The following INVS variants were observed in gnomAD, a reference collection of about 807,000 sequenced individuals.
INVS encodes inversin.
INVS carries 86 observed loss-of-function variants against 108.8 expected under a neutral mutation model. The observed-to-expected ratio is 0.79, with a 90% CI of 0.66 to 0.95. The LOEUF is 0.95. Among genes scored for constraint, INVS ranks in the 40% least tolerant of loss-of-function variants. INVS has a pLI of 0.00. For missense variants in INVS, 1,169 were observed against 1,297.4 expected (o/e 0.90, Z 1.52); for synonymous variants, 455 against 473.5 (o/e 0.96, Z 0.51).
chr9:100,296,461 G>A (rs780684599), intron 14 of INVS, among the ~76,000 whole-genome samples: 5 of 152,176 alleles, frequency 3.3e-5, no homozygotes, highest in Non-Finnish European at 7.3e-5. Flanking sequence ...TGGCACAAAT[G>A]CCTCTATCTA....
intron 5 of INVS, 70 bp downstream of exon 5, chr9:100,229,897 C>A: frequency 7.0e-7 from 1 of 1,438,528 alleles, no homozygotes; most frequent in Non-Finnish European, 9.6e-7. Context: ...TTAATATATA[C>A]AAAAGTGTAT....
intron 3 of INVS, among the ~76,000 whole-genome samples, chr9:100,211,068 C>T (rs932831763): frequency 9.2e-5 from 14 of 152,018 alleles, no homozygotes; most frequent in African/African-American, 3.4e-4. Context: ...ACAAACTCTG[C>T]GGGAGGGCCT....
At position 100,252,414 on chromosome 9, in the gene INVS, GA is replaced by G; in HGVS notation, c.1211del (p.Asp404ValfsTer2). ...CCGAGCCTGTGAGATGGGACACAAA[GA>G]TGTGATTCAGACACTCATTAAAGGT... ...LFRACEMGHK[D>X]VIQTLIKGGA... is the part of the protein sequence containing the mutation. On this transcript the variant is annotated frameshift_variant, in exon 9 of 17. Coordinates refer to ENST00000262457, the MANE Select transcript of INVS (RefSeq NM_014425.5). LOFTEE classifies it high-confidence loss of function. The G allele has an allele frequency of 6.2e-7, 1 of 1,613,958 alleles. No individual in the cohort carries two copies. Among genetic ancestry groups the G allele is most frequent in the South Asian group, 1.1e-5 (1 of 91,082 alleles).
chr9:100,302,120 T>TA lies in INVS; in HGVS notation c.*1447dup. On this transcript the variant is annotated 3_prime_UTR_variant, in exon 17 of 17. Coordinates refer to ENST00000262457, the MANE Select transcript of INVS (RefSeq NM_014425.5). ...TTCAGCTTTAATGACAAAGATCTATTACATCAGTCTTTTTCTTCAAATAAG... is the reference window on the plus strand; with the variant it reads ...TTCAGCTTTAATGACAAAGATCTATTAACATCAGTCTTTTTCTTCAAATAAG... The TA allele has an allele frequency of 1.1e-6, 1 of 890,260 alleles. No homozygotes were observed. The highest frequency in any genetic ancestry group is 1.7e-6 in the Non-Finnish European group (1 of 596,050). 55.1% of individuals were successfully genotyped at this position (890,260 alleles called of 1,614,324 possible).
chr9:100,237,915 G>A (rs1490669617), intron 5 of INVS, among the ~76,000 whole-genome samples: 1 of 152,146 alleles, frequency 6.6e-6, no homozygotes. Flanking sequence ...GCCTTGGGCT[G>A]TCTCCCAGGC....
intron 10 of INVS, among the ~76,000 whole-genome samples, chr9:100,258,045 C>A (rs1383839051): frequency 6.6e-6 from 1 of 152,198 alleles, no homozygotes; most frequent in African/African-American, 2.4e-5. Context: ...TCAGGTACAC[C>A]AATCAGATGT....
intron 1 of INVS, among the ~76,000 whole-genome samples, chr9:100,103,963 C>T (rs1453672450): frequency 6.6e-6 from 1 of 152,070 alleles, no homozygotes; most frequent in Non-Finnish European, 1.5e-5. Context: ...TTTGCAATAT[C>T]AATTCTAATG....
At position 100,272,978 on chromosome 9, in the gene INVS, C is replaced by G. The variant is rs767346175; in HGVS notation, c.1686C>G (p.Ile562Met). ...AAIQDIAAFK[I>M]QAVYKGYKVR... ...TACAAGACATCGCCGCCTTCAAAAT[C>G]CAAGCTGTCTACAAAGGGTACAAGG... Residue 562 changes from isoleucine (I) to methionine (M), a missense_variant, in exon 12 of 17, where the codon ATC becomes ATG. Ile to Met is a conservative substitution (Grantham distance 10). This residue lies in a region of INVS where 271 missense variants were observed against 363.8 expected (regional missense o/e 0.74). Transcript: ENST00000262457. 6.2e-7 allele frequency: 1 copy of G among 1,614,064 alleles called. No homozygotes were observed. The highest frequency in any genetic ancestry group is 1.3e-5 in the African/African-American group (1 of 74,984).
intron 3 of INVS, among the ~76,000 whole-genome samples, chr9:100,164,167 A>G (rs952045933): frequency 6.6e-6 from 1 of 152,170 alleles, no homozygotes; most frequent in Non-Finnish European, 1.5e-5. Flanking sequence ...TGATGTTTTG[A>G]AATGTGTATA....
At chr9:100,198,552 A>C (rs910708807) in intron 3 of INVS, among the ~76,000 whole-genome samples, 3 of 150,742 alleles carry the variant, frequency 2.0e-5, no homozygotes, top group Non-Finnish European at 4.4e-5. Context: ...CAGCCTCCCA[A>C]AGTACTGGGA....
chr9:100,173,045 G>T (rs1255509971), intron 3 of INVS, among the ~76,000 whole-genome samples: 2 of 152,126 alleles, frequency 1.3e-5, no homozygotes, highest in South Asian at 2.1e-4. Flanking sequence ...GAAGGATGAA[G>T]ATGATTGAGA....
intron 3 of INVS, among the ~76,000 whole-genome samples, chr9:100,157,867 T>C (rs961987986): frequency 6.6e-6 from 1 of 152,206 alleles, no homozygotes; most frequent in African/African-American, 2.4e-5. Context: ...AAATCATTTT[T>C]CATTATCTCC....
intron 2 of INVS, 114 bp downstream of exon 2, chr9:100,104,741 A>G (rs1337608219): frequency 2.7e-6 from 2 of 746,008 alleles, no homozygotes; most frequent in East Asian, 2.7e-5. Context: ...GAAATATGTT[A>G]TTATTTATAT....
At chr9:100,252,045 GA>G (rs1832254650) in intron 8 of INVS, among the ~76,000 whole-genome samples, 1 of 152,170 alleles carries the variant, frequency 6.6e-6, no homozygotes, top group Non-Finnish European at 1.5e-5. Context: ...CAACAGGATG[GA>G]AAGGAAGAAA....
intron 1 of INVS, among the ~76,000 whole-genome samples, chr9:100,101,123 T>C (rs1273118003): frequency 7.1e-6 from 1 of 141,564 alleles, no homozygotes; most frequent in Non-Finnish European, 1.5e-5. Context: ...TAGTGTATTT[T>C]TCAAAGGGTA....
chr9:100,271,420 A>C (rs142770248), intron 11 of INVS, among the ~76,000 whole-genome samples: 2 of 152,186 alleles, frequency 1.3e-5, no homozygotes, highest in Admixed American at 1.3e-4. Context: ...GGTTGTTTCT[A>C]TTCTTTTGCT....
At chr9:100,207,098 C>A (rs1830695500) in intron 3 of INVS, among the ~76,000 whole-genome samples, 1 of 152,024 alleles carries the variant, frequency 6.6e-6, no homozygotes, top group Non-Finnish European at 1.5e-5. Context: ...TCTGCTGTGA[C>A]GTCACTATTT....
intron 5 of INVS, among the ~76,000 whole-genome samples, chr9:100,231,034 C>T (rs1024894656): frequency 6.6e-6 from 1 of 152,124 alleles, no homozygotes; most frequent in Non-Finnish European, 1.5e-5. Context: ...TATAGGAATG[C>T]AGTTGATATT....
At chr9:100,251,075 A>T (rs570815654) in intron 8 of INVS, among the ~76,000 whole-genome samples, 12 of 152,334 alleles carry the variant, frequency 7.9e-5, no homozygotes, top group African/African-American at 2.6e-4. Context: ...TCCCTCAGTG[A>T]TTCTACATAT....
Sources: gnomAD v4.1 joint callset for allele counts (sites outside exome capture counted in the v4.1 genomes callset) on GRCh38, gnomAD v4.1.1 for gene constraint, gnomAD v4.1.1 regional missense constraint, MANE v1.5 for transcripts, NCBI Gene and HGNC (gene_info 2026-07-23, HGNC 2026-07-21) for gene names.